The following MDGA2 variants were observed in gnomAD, a reference collection of about 807,000 sequenced individuals.
MDGA2 encodes the protein MAM domain-containing glycosylphosphatidylinositol anchor protein 2.
MDGA2 carries 40 observed loss-of-function variants against 117.8 expected under a neutral mutation model. The observed-to-expected ratio is 0.34, with a 90% CI of 0.26 to 0.44. The LOEUF is 0.44. Among genes scored for constraint, MDGA2 ranks in the 20% least tolerant of loss-of-function variants. MDGA2 has a pLI of 1.00. For missense variants in MDGA2, 1,123 were observed against 1,250.6 expected (o/e 0.90, Z 1.54); for synonymous variants, 452 against 439.0 (o/e 1.03, Z -0.37).
intron 1 of MDGA2, among the ~76,000 whole-genome samples, chr14:47,538,952 C>T (rs181940109): frequency 5.8e-4 from 88 of 152,286 alleles, no homozygotes; most frequent in African/African-American, 2.1e-3. Context: ...GGGAGACCTC[C>T]CCAAGTCTAG....
chr14:47,129,240 C>G (rs201340364), intron 5 of MDGA2, among the ~76,000 whole-genome samples: 1 of 119,886 alleles, frequency 8.3e-6, no homozygotes, highest in Admixed American at 8.4e-5. Context: ...TGCTATAGCT[C>G]CCCCCCCGAC....
chr14:47,378,212 C>A (rs1891525687), intron 1 of MDGA2, among the ~76,000 whole-genome samples: 1 of 152,168 alleles, frequency 6.6e-6, no homozygotes, highest in East Asian at 1.9e-4. Context: ...ATCTGTACAT[C>A]ACCATCAACA....
chr14:47,128,255 T>C (rs1882004696), intron 5 of MDGA2, among the ~76,000 whole-genome samples: 1 of 151,968 alleles, frequency 6.6e-6, no homozygotes, highest in Non-Finnish European at 1.5e-5. Context: ...ACAAGAAAAA[T>C]CTACCTGTTT....
intron 3 of MDGA2, among the ~76,000 whole-genome samples, chr14:47,165,109 G>T (rs1566659488): frequency 1.3e-5 from 2 of 152,118 alleles, no homozygotes; most frequent in Non-Finnish European, 1.5e-5. Flanking sequence ...TGTGGGGTGG[G>T]GGCAGGGGGT....
At chr14:46,860,284 A>G (rs919753511) in intron 14 of MDGA2, among the ~76,000 whole-genome samples, 17 of 152,038 alleles carry the variant, frequency 1.1e-4, no homozygotes, top group African/African-American at 4.1e-4. Context: ...ATTATTTCTC[A>G]TATAATCAGC....
At chr14:46,957,304 T>C (rs996849452) in intron 9 of MDGA2, 70 bp downstream of exon 9, 1 of 1,434,172 alleles carries the variant, frequency 7.0e-7, no homozygotes, top group Non-Finnish European at 9.5e-7. Flanking sequence ...CATTCTTATA[T>C]TGACATAGGT....
rs140230971 is a variant in MDGA2, at chr14:47,203,344, G to T, written c.595+14677C>A. On this transcript the variant is annotated intron_variant, in intron 3 of 16. Coordinates refer to ENST00000399232, the MANE Select transcript of MDGA2 (RefSeq NM_001113498.3). The stretch of plus-strand genomic sequence containing the variant: ...TGACATGGGAGTTGATGACAGATGG[G>T]GAAAGAGATTTGTTTTGTGGTCCTG... 3.8e-3 allele frequency among the ~76,000 whole-genome samples: 585 copies of T among 151,992 alleles called. 4 individuals are homozygous for T. The highest frequency in any genetic ancestry group is 6.2e-3 in the Non-Finnish European group (418 of 67,888).
Position 47,615,666 on chromosome 14 carries a change from A to G in MDGA2, c.280+58851T>C, listed in dbSNP as rs1896936165. The stretch of plus-strand genomic sequence containing the variant: ...AATGCACATTGACACAGTCCCCCAG[A>G]TATTCTAATAGGCAATCCTAAAGCC... On this transcript the variant is annotated intron_variant, in intron 1 of 16. Transcript: ENST00000399232. 2.6e-5 allele frequency among the ~76,000 whole-genome samples: 4 copies of G among 152,358 alleles called. No homozygotes were observed. In the South Asian group the frequency reaches 8.3e-4, roughly 32 times the overall value.
chr14:46,847,649 G>T (rs540867257), intron 15 of MDGA2, among the ~76,000 whole-genome samples: 58 of 151,984 alleles, frequency 3.8e-4, no homozygotes, highest in African/African-American at 1.3e-3. Flanking sequence ...ACATTTGAGA[G>T]AATTGAATAT....
Position 47,301,536 on chromosome 14 carries a change from G to A in MDGA2, c.295C>T (p.Arg99Cys), listed in dbSNP as rs1889285204. Residue 99 changes from arginine (R) to cysteine (C), a missense_variant, in exon 2 of 17, where the codon CGT becomes TGT. Around this residue, in one of 2 missense-constraint regions of MDGA2, gnomAD observed 233 missense variants for 200.3 expected, o/e 1.16. Transcript: ENST00000399232. The stretch of plus-strand genomic sequence containing the variant: ...CAGGCCAAGCCTGAGTGCACAATAC[G>A]AACCGTGGGAGGAGCTGTCGAGTCA... Reference protein sequence around the residue: ...GQGVYAPPTVRIVHSGLACNI... With the variant: ...GQGVYAPPTVCIVHSGLACNI... 1.9e-6 allele frequency: 3 copies of A among 1,551,476 alleles called. No individual in the cohort carries two copies. The highest frequency in any genetic ancestry group is 2.6e-6 in the Non-Finnish European group (3 of 1,146,950).
chr14:47,599,470 T>G (rs926729242), intron 1 of MDGA2, among the ~76,000 whole-genome samples: 3 of 152,158 alleles, frequency 2.0e-5, no homozygotes, highest in African/African-American at 7.2e-5. Context: ...TAAGAAGTAG[T>G]AGAAAGTAGC....
chr14:47,644,609 A>C (rs1202420782), intron 1 of MDGA2, among the ~76,000 whole-genome samples: 1 of 152,078 alleles, frequency 6.6e-6, no homozygotes, highest in African/African-American at 2.4e-5. Context: ...AATTATAGTT[A>C]AGATAGGAGA....
intron 1 of MDGA2, among the ~76,000 whole-genome samples, chr14:47,394,621 T>C (rs1891967254): frequency 1.3e-5 from 2 of 152,216 alleles, no homozygotes; most frequent in Admixed American, 6.5e-5. Context: ...TATATGCTAG[T>C]ATACATGCCT....
At position 47,674,907 on chromosome 14, in the gene MDGA2, G is replaced by A. The variant is rs1355730703; in HGVS notation, c.-111C>T. 18 of 537,646 alleles carry A rather than the reference G, an allele frequency of 3.3e-5. No individual in the cohort carries two copies. Among genetic ancestry groups the A allele is most frequent in the Middle Eastern group, 4.7e-4 (1 of 2,138 alleles). 33.3% of individuals were successfully genotyped at this position (537,646 alleles called of 1,614,324 possible). A position where few individuals can be genotyped will look rare whatever the true frequency, so the allele number is the denominator to read the frequency against. On this transcript the variant is annotated 5_prime_UTR_variant, in exon 1 of 17. Coordinates refer to ENST00000399232, the MANE Select transcript of MDGA2 (RefSeq NM_001113498.3). ...GGTGCCTGGGAAAATCGCAGACGCCGGGGAGGAGCAGGGGGCGGTGATGGG... is the reference window on the plus strand; with the variant it reads ...GGTGCCTGGGAAAATCGCAGACGCCAGGGAGGAGCAGGGGGCGGTGATGGG...
At chr14:47,171,486 T>C (rs1884131296) in intron 3 of MDGA2, among the ~76,000 whole-genome samples, 2 of 152,182 alleles carry the variant, frequency 1.3e-5, no homozygotes, top group Admixed American at 1.3e-4. Context: ...ATGTAACTAC[T>C]TTTCTAGGAT....
At chr14:46,950,472 G>A (rs1007536088) in intron 9 of MDGA2, among the ~76,000 whole-genome samples, 1 of 151,982 alleles carries the variant, frequency 6.6e-6, no homozygotes, top group Non-Finnish European at 1.5e-5. Flanking sequence ...GCTGTACATA[G>A]AAGTGATATC....
intron 3 of MDGA2, among the ~76,000 whole-genome samples, chr14:47,208,530 CTT>C (rs35699705): frequency 0.081 from 11,562 of 142,276 alleles, 525 homozygotes; most frequent in African/African-American, 0.13. Context: ...TCTCTAAACT[CTT>C]TTTTTTTTTT....
At chr14:47,164,604 A>C (rs1883785146) in intron 3 of MDGA2, among the ~76,000 whole-genome samples, 1 of 152,188 alleles carries the variant, frequency 6.6e-6, no homozygotes, top group South Asian at 2.1e-4. Context: ...AGGAAACAAC[A>C]GGTGTTGGAG....
intron 8 of MDGA2, among the ~76,000 whole-genome samples, chr14:47,017,536 C>T (rs1400099564): frequency 6.6e-6 from 1 of 151,702 alleles, no homozygotes; most frequent in Non-Finnish European, 1.5e-5. Flanking sequence ...ATTTAACCAA[C>T]CCTGAAATCA....
Sources: allele counts gnomAD v4.1 joint callset (sites outside exome capture counted in the v4.1 genomes callset), GRCh38; gene constraint gnomAD v4.1.1; regional missense constraint gnomAD v4.1.1; transcripts MANE v1.5; gene names NCBI Gene and HGNC (gene_info 2026-07-23, HGNC 2026-07-21).